The following EPB41L4A variants were observed in gnomAD, a reference collection of about 807,000 sequenced individuals.
The protein encoded by EPB41L4A is band 4.1-like protein 4A.
In EPB41L4A, 100 loss-of-function variants were observed where a neutral mutation model predicts 108.6. The observed-to-expected ratio is 0.92, with a 90% CI of 0.78 to 1.09. EPB41L4A has a LOEUF of 1.09. EPB41L4A is among the 50% of genes least tolerant of loss of function. The probability of loss-of-function intolerance (pLI) is 0.00; values close to 1 mark genes in which losing one functional copy is unlikely to be tolerated. For synonymous variants in EPB41L4A, 319 were observed against 289.0 expected (o/e 1.10, Z -1.05); for missense variants, 1,030 against 842.7 (o/e 1.22, Z -2.75).
chr5:112,182,074 A>C (rs1761185800), intron 18 of EPB41L4A, among the ~76,000 whole-genome samples: 1 of 152,150 alleles, frequency 6.6e-6, no homozygotes. Context: ...AAAAAAAGAA[A>C]AAGAAATCAG....
intron 1 of EPB41L4A, among the ~76,000 whole-genome samples, chr5:112,390,128 C>T (rs1171998515): frequency 1.3e-5 from 2 of 152,178 alleles, no homozygotes; most frequent in Admixed American, 6.5e-5. Context: ...CCAGCGTGAT[C>T]GACACAGAAG....
intron 12 of EPB41L4A, among the ~76,000 whole-genome samples, chr5:112,218,858 A>C (rs1375434564): frequency 6.6e-6 from 1 of 152,192 alleles, no homozygotes; most frequent in Non-Finnish European, 1.5e-5. Flanking sequence ...CTTGTTTCAA[A>C]ATGATACCTA....
chr5:112,332,931 G>T (rs1756660609), intron 1 of EPB41L4A, among the ~76,000 whole-genome samples: 1 of 152,188 alleles, frequency 6.6e-6, no homozygotes, highest in South Asian at 2.1e-4. Context: ...CCCAAGGTTT[G>T]CAGAAAGGTT....
chr5:112,330,255 G>A (rs1756472677), intron 1 of EPB41L4A, among the ~76,000 whole-genome samples: 2 of 151,978 alleles, frequency 1.3e-5, no homozygotes, highest in South Asian at 4.2e-4. Flanking sequence ...TGGGATTAGA[G>A]TTGTATTGTG....
chr5:112,278,441 G>A (rs561756436), intron 3 of EPB41L4A, among the ~76,000 whole-genome samples: 8 of 151,856 alleles, frequency 5.3e-5, no homozygotes, highest in South Asian at 4.2e-4. Flanking sequence ...TAGCAGAGAC[G>A]AGGCTTCACC....
intron 10 of EPB41L4A, among the ~76,000 whole-genome samples, chr5:112,240,475 G>A (rs753547242): frequency 6.6e-6 from 1 of 152,010 alleles, no homozygotes; most frequent in Non-Finnish European, 1.5e-5. Context: ...ATATTACCTC[G>A]ATCCTTTCTT....
At chr5:112,282,278 T>C (rs551272895) in intron 2 of EPB41L4A, among the ~76,000 whole-genome samples, 1 of 152,344 alleles carries the variant, frequency 6.6e-6, no homozygotes, top group East Asian at 1.9e-4. Context: ...TATATAAAGC[T>C]GTGGGTTCTT....
intron 1 of EPB41L4A, among the ~76,000 whole-genome samples, chr5:112,319,082 C>T (rs1755604086): frequency 6.6e-6 from 1 of 152,164 alleles, no homozygotes; most frequent in African/African-American, 2.4e-5. Flanking sequence ...TCATTCTCCA[C>T]TCCTTGGAAA....
At chr5:112,242,920 T>C (rs1419520949) in intron 9 of EPB41L4A, among the ~76,000 whole-genome samples, 3 of 152,102 alleles carry the variant, frequency 2.0e-5, no homozygotes. Flanking sequence ...GCTTAATATA[T>C]TCACTAAGCC....
chr5:112,344,060 C>A (rs1173360170), intron 1 of EPB41L4A, among the ~76,000 whole-genome samples: 1 of 151,990 alleles, frequency 6.6e-6, no homozygotes, highest in Non-Finnish European at 1.5e-5. Context: ...TAGTGAGAAC[C>A]AATCTCCTTT....
At chr5:112,359,975 G>T (rs1258871727) in intron 1 of EPB41L4A, among the ~76,000 whole-genome samples, 1 of 152,170 alleles carries the variant, frequency 6.6e-6, no homozygotes, top group Non-Finnish European at 1.5e-5. Flanking sequence ...TATAATTACT[G>T]ACGTGTATGT....
chr5:112,183,911 A>G, intron 18 of EPB41L4A, 105 bp downstream of exon 18: 1 of 1,348,092 alleles, frequency 7.4e-7, no homozygotes, highest in Non-Finnish European at 1.0e-6. Context: ...CAAATAAACA[A>G]TGAAATAATC....
At chr5:112,222,634 C>G (rs1378748023) in intron 12 of EPB41L4A, among the ~76,000 whole-genome samples, 1 of 152,236 alleles carries the variant, frequency 6.6e-6, no homozygotes, top group Non-Finnish European at 1.5e-5. Flanking sequence ...CAACTCCATT[C>G]TTCTTTCTCT....
intron 1 of EPB41L4A, among the ~76,000 whole-genome samples, chr5:112,361,373 A>G (rs1459162222): frequency 6.6e-6 from 1 of 152,258 alleles, no homozygotes; most frequent in Non-Finnish European, 1.5e-5. Context: ...CCAGGGACAC[A>G]AACACTGCAG....
At chr5:112,412,829 T>A (rs1310292660) in intron 1 of EPB41L4A, among the ~76,000 whole-genome samples, 1 of 152,236 alleles carries the variant, frequency 6.6e-6, no homozygotes, top group African/African-American at 2.4e-5. Flanking sequence ...TGACTTGTCA[T>A]GTTTACAACA....
intron 1 of EPB41L4A, among the ~76,000 whole-genome samples, chr5:112,384,893 G>T (rs1288949987): frequency 6.6e-6 from 1 of 152,170 alleles, no homozygotes; most frequent in Admixed American, 6.5e-5. Context: ...CTCAATATCT[G>T]CTGGGAAAGA....
intron 17 of EPB41L4A, among the ~76,000 whole-genome samples, chr5:112,189,316 G>T (rs756294649): frequency 1.3e-5 from 2 of 152,118 alleles, no homozygotes; most frequent in Non-Finnish European, 2.9e-5. Context: ...TATTATCTCG[G>T]GAACTTCACA....
At chr5:112,250,349 T>C (rs1217944081) in intron 9 of EPB41L4A, among the ~76,000 whole-genome samples, 2 of 152,204 alleles carry the variant, frequency 1.3e-5, no homozygotes, top group African/African-American at 4.8e-5. Flanking sequence ...ATTCTTATTA[T>C]TTGAAGGAAT....
chr5:112,384,887 A>G (rs915418715), intron 1 of EPB41L4A, among the ~76,000 whole-genome samples: 3 of 152,198 alleles, frequency 2.0e-5, no homozygotes, highest in Non-Finnish European at 4.4e-5. Flanking sequence ...CTAGGCCTCA[A>G]TATCTGCTGG....
Sources: gnomAD v4.1 joint callset for allele counts (sites outside exome capture counted in the v4.1 genomes callset) on GRCh38, gnomAD v4.1.1 for gene constraint, MANE v1.5 for transcripts, NCBI Gene and HGNC (gene_info 2026-07-23, HGNC 2026-07-21) for gene names.